NPNT: variants seen among roughly 807,000 people sequenced by gnomAD.
The protein encoded by NPNT is preosteoblast EGF-like repeat protein with MAM domain.
Under a neutral mutation model 68.6 loss-of-function variants are expected in NPNT, and 45 were observed. The observed-to-expected ratio is 0.66, with a 90% confidence interval of 0.52 to 0.84. The LOEUF is 0.84. Among genes scored for constraint, NPNT ranks in the 40% least tolerant of loss-of-function variants. The probability of loss-of-function intolerance (pLI) is 0.00; values close to 1 mark genes in which losing one functional copy is unlikely to be tolerated. For missense variants in NPNT, 672 were observed against 714.8 expected, an observed-to-expected ratio of 0.94 and a Z score of 0.68; for synonymous variants, 233 against 253.3, an observed-to-expected ratio of 0.92 and a Z score of 0.76.
At chr4:105,922,004 A>G (rs1468348418) in intron 2 of NPNT, among the ~76,000 whole-genome samples, 1 of 152,150 alleles carries the variant, frequency 6.6e-6, no homozygotes, top group Non-Finnish European at 1.5e-5. Context: ...CTGGAGGACA[A>G]GGTTTTTTGT....
intron 8 of NPNT, among the ~76,000 whole-genome samples, chr4:105,954,162 G>A (rs1397777569): frequency 1.3e-5 from 2 of 152,092 alleles, no homozygotes; most frequent in East Asian, 1.9e-4. Flanking sequence ...CCTTTTTGTG[G>A]CTGATTTTAC....
At chr4:105,942,018 C>T (rs1729995716) in intron 7 of NPNT, among the ~76,000 whole-genome samples, 2 of 151,300 alleles carry the variant, frequency 1.3e-5, no homozygotes, top group Non-Finnish European at 2.9e-5. Flanking sequence ...TTTTATGTTG[C>T]AAATAATACA....
chr4:105,949,116 T>G (rs372434069), intron 8 of NPNT, among the ~76,000 whole-genome samples: 9 of 152,302 alleles, frequency 5.9e-5, no homozygotes, highest in African/African-American at 1.9e-4. Context: ...ATTACACAGT[T>G]GTATGTGTTA....
rs774753922 is a variant in NPNT at position 105,959,111 on chromosome 4, A to G, written c.1330A>G (p.Ile444Val). The change falls in exon 10 of 12, where the codon ATC becomes GTC. Residue 444 changes from isoleucine (I) to valine (V), a missense_variant. Physicochemically the swap from Ile to Val is conservative, Grantham distance 29. Coordinates refer to ENST00000379987, the MANE Select transcript of NPNT (RefSeq NM_001033047.3). ...EKDNDLHWEP[I>V]RDPAGGQYLT... Reference sequence around the variant, plus strand: ...AGACAATGACTTGCACTGGGAACCAATCAGGGACCCAGCAGGTAAAACCAT... The same window carrying G: ...AGACAATGACTTGCACTGGGAACCAGTCAGGGACCCAGCAGGTAAAACCAT... 10 of 1,610,290 alleles carry G rather than the reference A, an allele frequency of 6.2e-6. No individual in the cohort carries two copies. The highest frequency in any genetic ancestry group is 5.0e-5 in the Admixed American group (3 of 60,002).
At chr4:105,922,187 A>G (rs1325258611) in intron 2 of NPNT, among the ~76,000 whole-genome samples, 2 of 151,912 alleles carry the variant, frequency 1.3e-5, no homozygotes, top group African/African-American at 4.8e-5. Flanking sequence ...CAGAGCCTCC[A>G]TCTGCTTGGG....
chr4:105,917,434 G>A (rs1039596661), intron 2 of NPNT, among the ~76,000 whole-genome samples: 11 of 151,920 alleles, frequency 7.2e-5, no homozygotes, highest in Non-Finnish European at 1.3e-4. Flanking sequence ...TTAACACCTT[G>A]TACACCTGTC....
At chr4:105,943,639 C>G (rs1438492040) in intron 8 of NPNT, among the ~76,000 whole-genome samples, 1 of 152,158 alleles carries the variant, frequency 6.6e-6, no homozygotes, top group African/African-American at 2.4e-5. Context: ...TTATAACTTT[C>G]ATCTGTTCCT....
chr4:105,935,551 C>T (rs556015271), intron 3 of NPNT, among the ~76,000 whole-genome samples: 1 of 152,232 alleles, frequency 6.6e-6, no homozygotes, highest in East Asian at 1.9e-4. Context: ...CTGCATGGCG[C>T]TTTCTGTGAG....
chr4:105,957,128 G>GAA (rs1300481270), intron 8 of NPNT, among the ~76,000 whole-genome samples: 1 of 152,162 alleles, frequency 6.6e-6, no homozygotes, highest in Admixed American at 6.5e-5. Context: ...AGAGAAGGGA[G>GAA]TATTCCTTGG....
Position 105,969,774 on chromosome 4 carries a change from A to T in NPNT, c.*784A>T, listed in dbSNP as rs1036612158. 6.6e-6 allele frequency: 1 copy of T among 152,356 alleles called. No individual in the cohort carries two copies. Among genetic ancestry groups the T allele is most frequent in the African/African-American group, 2.4e-5 (1 of 41,456 alleles). 9.4% of individuals were successfully genotyped at this position (152,356 alleles called of 1,614,324 possible). On this transcript the variant is annotated 3_prime_UTR_variant, in exon 12 of 12. Transcript: ENST00000379987. ...TCCAGTTCCATGACCTTATATTGGC[A>T]GCAGTAGGAAATTGGCAGAAGTGTT...
chr4:105,942,306 G>T lies in NPNT; in HGVS notation c.764-1G>T, dbSNP rs1461364206. On this transcript the variant is annotated splice_acceptor_variant, in intron 7 of 11. Transcript: ENST00000379987. LOFTEE classifies it high-confidence loss of function. ...CTGATTTAAGTCTTTGACTCTTTCA[G>T]ATATCCCAAAAGTTATGATTGAACC... 3 of 1,585,630 alleles carry T rather than the reference G, an allele frequency of 1.9e-6. No homozygotes were observed. The highest frequency in any genetic ancestry group is 2.6e-6 in the Non-Finnish European group (3 of 1,162,084).
intron 8 of NPNT, among the ~76,000 whole-genome samples, chr4:105,946,603 C>A (rs1322455612): frequency 1.3e-5 from 2 of 152,084 alleles, no homozygotes; most frequent in African/African-American, 4.8e-5. Context: ...GCCTACCTGA[C>A]CTGCAAAACC....
At position 105,971,072 on chromosome 4, in the gene NPNT, A is replaced by G. The variant is rs1189136137; in HGVS notation, c.*2082A>G. 1 of 429,352 alleles carries G rather than the reference A, an allele frequency of 2.3e-6. No homozygotes were observed. Among genetic ancestry groups the G allele is most frequent in the South Asian group, 1.7e-5 (1 of 60,516 alleles). The allele number at this position is 429,352 out of a possible 1,614,324, so 26.6% of individuals were successfully genotyped here. The stretch of plus-strand genomic sequence containing the variant: ...TTCATGTTAAAGGTATAAGCCTTTC[A>G]TTTGTTCAATGGATGATGTTTCAGA... On this transcript the variant is annotated 3_prime_UTR_variant, in exon 12 of 12. Coordinates refer to ENST00000379987, the MANE Select transcript of NPNT (RefSeq NM_001033047.3).
intron 9 of NPNT, 96 bp from the exon 10 acceptor site, chr4:105,958,932 G>C: frequency 1.3e-6 from 1 of 770,412 alleles, no homozygotes; most frequent in Non-Finnish European, 2.3e-6. Flanking sequence ...GGATAGGAGA[G>C]AACACTTGTT....
chr4:105,928,092 G>A (rs1400493254), intron 3 of NPNT, among the ~76,000 whole-genome samples: 1 of 152,062 alleles, frequency 6.6e-6, no homozygotes, highest in Non-Finnish European at 1.5e-5. Context: ...TTAATTATTA[G>A]TCCATTTTTT....
At chr4:105,918,887 A>G (rs1578606339) in intron 2 of NPNT, among the ~76,000 whole-genome samples, 1 of 152,166 alleles carries the variant, frequency 6.6e-6, no homozygotes, top group Non-Finnish European at 1.5e-5. Flanking sequence ...CAATAAACCT[A>G]TGAGTAAGAT....
At chr4:105,942,951 AT>A in intron 8 of NPNT, among the ~76,000 whole-genome samples, 2 of 152,366 alleles carry the variant, frequency 1.3e-5, no homozygotes, top group South Asian at 4.1e-4. Flanking sequence ...CTTAGCCAGT[AT>A]GGGAATTCTG....
intron 8 of NPNT, among the ~76,000 whole-genome samples, chr4:105,948,979 A>G (rs1456237220): frequency 6.6e-6 from 1 of 152,174 alleles, no homozygotes; most frequent in African/African-American, 2.4e-5. Context: ...TTACAGGGCT[A>G]ATCCGGTGGG....
At chr4:105,897,166 A>G (rs562910808) in intron 1 of NPNT, among the ~76,000 whole-genome samples, 164 of 152,370 alleles carry the variant, frequency 1.1e-3, no homozygotes, top group South Asian at 1.9e-3. Flanking sequence ...TAATGTGTCA[A>G]CGTGTAATCA....
Sources: gnomAD v4.1 joint callset for allele counts (sites outside exome capture counted in the v4.1 genomes callset) on GRCh38, gnomAD v4.1.1 for gene constraint, MANE v1.5 for transcripts, NCBI Gene and HGNC (gene_info 2026-07-23, HGNC 2026-07-21) for gene names.